The following PTPRD variants were observed in gnomAD, a reference collection of about 807,000 sequenced individuals.
The protein encoded by PTPRD is protein tyrosine phosphatase receptor type D.
Under a neutral mutation model 214.5 loss-of-function variants are expected in PTPRD, and 34 were observed. The observed-to-expected ratio is 0.16, with a 90% CI of 0.12 to 0.21. The LOEUF is 0.21. Ranked by LOEUF, PTPRD falls within the 10% of genes least tolerant of loss-of-function variation. The pLI, the probability that PTPRD is intolerant of heterozygous loss-of-function variation, is 1.00. For synonymous variants in PTPRD, 1,128 were observed against 845.7 expected, an observed-to-expected ratio of 1.33 and a Z score of -5.79; for missense variants, 2,545 against 2,398.7, an observed-to-expected ratio of 1.06 and a Z score of -1.27.
At chr9:10,581,815 C>T (rs373442587) in intron 2 of PTPRD, among the ~76,000 whole-genome samples, 10 of 152,226 alleles carry the variant, frequency 6.6e-5, no homozygotes, top group African/African-American at 1.9e-4. Context: ...AGTGAAGATA[C>T]TTAAGTTCTC....
chr9:8,451,530 T>C (rs1031590568), intron 33 of PTPRD, among the ~76,000 whole-genome samples: 1 of 152,216 alleles, frequency 6.6e-6, no homozygotes, highest in Admixed American at 6.5e-5. Flanking sequence ...TGATGGCCAG[T>C]TTCAGAGTAG....
At chr9:9,346,692 A>T (rs2048935554) in intron 9 of PTPRD, among the ~76,000 whole-genome samples, 4 of 151,720 alleles carry the variant, frequency 2.6e-5, no homozygotes, top group Admixed American at 2.6e-4. Context: ...AAAGTGCCTT[A>T]ATTTTTTTTT....
intron 7 of PTPRD, among the ~76,000 whole-genome samples, chr9:9,580,599 AGTGCAG>A (rs1201840098): frequency 6.9e-6 from 1 of 145,440 alleles, no homozygotes; most frequent in Non-Finnish European, 1.5e-5. Context: ...CCCAGACAGA[AGTGCAG>A]TGGTGTGATC....
chr9:8,751,631 C>G (rs1814523441), intron 11 of PTPRD, among the ~76,000 whole-genome samples: 1 of 152,192 alleles, frequency 6.6e-6, no homozygotes, highest in South Asian at 2.1e-4. Flanking sequence ...TGCTGGCTAT[C>G]TTTCCAAATT....
chr9:10,110,123 C>A (rs1321515454), intron 3 of PTPRD, among the ~76,000 whole-genome samples: 2 of 152,162 alleles, frequency 1.3e-5, no homozygotes, highest in Non-Finnish European at 2.9e-5. Flanking sequence ...GCAGAACACC[C>A]TGACACAAAC....
At chr9:9,665,279 C>T (rs1191308963) in intron 7 of PTPRD, among the ~76,000 whole-genome samples, 2 of 151,626 alleles carry the variant, frequency 1.3e-5, no homozygotes, top group Non-Finnish European at 3.0e-5. Flanking sequence ...AATAGAAACA[C>T]GGCATAAATA....
chr9:9,687,747 C>A (rs956519938), intron 7 of PTPRD, among the ~76,000 whole-genome samples: 1 of 151,596 alleles, frequency 6.6e-6, no homozygotes, highest in Non-Finnish European at 1.5e-5. Context: ...CTCAATTGGT[C>A]AAAAACAAAA....
At chr9:9,654,721 A>T (rs905139252) in intron 7 of PTPRD, among the ~76,000 whole-genome samples, 1 of 152,218 alleles carries the variant, frequency 6.6e-6, no homozygotes, top group African/African-American at 2.4e-5. Flanking sequence ...CAGTGTCAAA[A>T]GCAAGACATT....
intron 11 of PTPRD, among the ~76,000 whole-genome samples, chr9:8,909,544 CA>C (rs1306050939): frequency 2.0e-5 from 3 of 152,130 alleles, no homozygotes; most frequent in Non-Finnish European, 4.4e-5. Context: ...ACAAATCAAA[CA>C]CCCATTCCAG....
At chr9:8,927,366 C>T (rs2098907444) in intron 11 of PTPRD, among the ~76,000 whole-genome samples, 1 of 151,672 alleles carries the variant, frequency 6.6e-6, no homozygotes, top group Non-Finnish European at 1.5e-5. Context: ...ATGCTATTCC[C>T]CAACATGACA....
intron 11 of PTPRD, among the ~76,000 whole-genome samples, chr9:8,921,530 G>A (rs2098827907): frequency 6.6e-6 from 1 of 151,492 alleles, no homozygotes. Context: ...GTCTCACTCT[G>A]TCGCCCAGGC....
intron 11 of PTPRD, among the ~76,000 whole-genome samples, chr9:8,877,752 C>A (rs1364223533): frequency 6.6e-6 from 1 of 152,162 alleles, no homozygotes; most frequent in Non-Finnish European, 1.5e-5. Flanking sequence ...ATGAGACAGG[C>A]CAATAGACAA....
At chr9:9,838,396 G>A (rs1036830683) in intron 5 of PTPRD, among the ~76,000 whole-genome samples, 43 of 151,964 alleles carry the variant, frequency 2.8e-4, no homozygotes, top group Admixed American at 2.4e-3. Flanking sequence ...CAGTGTAAAA[G>A]TGTTCCTATT....
intron 9 of PTPRD, among the ~76,000 whole-genome samples, chr9:9,207,417 G>GAA (rs199969614): frequency 1.2e-4 from 18 of 151,098 alleles, no homozygotes; most frequent in African/African-American, 4.4e-4. Context: ...TCTAAAAATA[G>GAA]AAAAAAAATC....
chr9:9,291,356 T>C (rs1951073046), intron 9 of PTPRD, among the ~76,000 whole-genome samples: 1 of 151,438 alleles, frequency 6.6e-6, no homozygotes, highest in Admixed American at 6.6e-5. Context: ...TACAATTAAA[T>C]GCAGACATAA....
rs76217237 is a variant in PTPRD, at chr9:9,499,021, T to G, written c.-237+75711A>C. ...TCCCTCTCTTTATCAATTGTTTCTCTGTCAGCTCAAAAGAGTAGACATTGT... is the reference window on the plus strand; with the variant it reads ...TCCCTCTCTTTATCAATTGTTTCTCGGTCAGCTCAAAAGAGTAGACATTGT... On this transcript the variant is annotated intron_variant, in intron 8 of 45. Transcript: ENST00000381196. Among the ~76,000 whole-genome samples the G allele has an allele frequency of 3.2e-4, 49 of 152,130 alleles. No homozygotes were observed. In the East Asian group the frequency reaches 3.9e-3, roughly 12 times the overall value.
At chr9:9,199,724 A>G (rs1270713887) in intron 9 of PTPRD, among the ~76,000 whole-genome samples, 6 of 152,198 alleles carry the variant, frequency 3.9e-5, no homozygotes, top group Non-Finnish European at 8.8e-5. Context: ...TTTCCTAAAT[A>G]AAGGTAAAGT....
chr9:8,875,002 T>C (rs2098368005), intron 11 of PTPRD, among the ~76,000 whole-genome samples: 2 of 152,074 alleles, frequency 1.3e-5, no homozygotes, highest in African/African-American at 2.4e-5. Flanking sequence ...GTCAAAAATA[T>C]AGGGCTGTGC....
At position 8,316,933 on chromosome 9, in the gene PTPRD, ACTGT is replaced by A. The variant is rs774971561; in HGVS notation, c.*937_*940del. ...CTGTATCTATTTTTTGTGTGGACACACTGTCTATATATACATAGACACCCTTATA... is the reference window on the plus strand; with the variant it reads ...CTGTATCTATTTTTTGTGTGGACACACTATATATACATAGACACCCTTATA... On this transcript the variant is annotated 3_prime_UTR_variant, in exon 46 of 46. Transcript: ENST00000381196. The A allele has an allele frequency of 8.6e-6, 2 of 231,404 alleles. No homozygotes were observed. The highest frequency in any genetic ancestry group is 2.2e-5 in the African/African-American group (1 of 45,200). The allele number at this position is 231,404 out of a possible 1,614,324, so 14.3% of individuals were successfully genotyped here. A position where few individuals can be genotyped will look rare whatever the true frequency, so the allele number is the denominator to read the frequency against.
Sources: gnomAD v4.1 joint callset for allele counts (sites outside exome capture counted in the v4.1 genomes callset) on GRCh38, gnomAD v4.1.1 for gene constraint, MANE v1.5 for transcripts, NCBI Gene and HGNC (gene_info 2026-07-23, HGNC 2026-07-21) for gene names.